Variants in PINK1 observed in about 807,000 individuals in gnomAD.
The protein encoded by PINK1 is serine/threonine-protein kinase PINK1, mitochondrial.
In PINK1, 58 loss-of-function variants were observed where a neutral mutation model predicts 56.0. That is an observed-to-expected ratio of 1.04 (90% confidence interval 0.84 to 1.29). The LOEUF (loss-of-function observed/expected upper bound fraction) is 1.29, where lower values mean the gene tolerates loss of function less well. PINK1 is among the 50% of genes most tolerant of loss of function. The pLI is 0.00. For synonymous variants in PINK1, 354 were observed against 339.3 expected (o/e 1.04, Z -0.48); for missense variants, 745 against 777.9 (o/e 0.96, Z 0.50).
intron 1 of PINK1, among the ~76,000 whole-genome samples, chr1:20,634,987 G>A (rs1265029551): frequency 6.6e-6 from 1 of 152,106 alleles, no homozygotes; most frequent in Non-Finnish European, 1.5e-5. Context: ...GGTGACAGGT[G>A]ACATCTGGCC....
intron 3 of PINK1, among the ~76,000 whole-genome samples, chr1:20,643,355 T>A (rs966974144): frequency 6.6e-6 from 1 of 152,024 alleles, no homozygotes; most frequent in African/African-American, 2.4e-5. Context: ...CGGGGGGCGC[T>A]CCCCACAGGA....
At position 20,644,598 on chromosome 1, in the gene PINK1, C is replaced by T. The variant is rs1183756706; in HGVS notation, c.885C>T (p.Tyr295=). 15 of 1,614,110 alleles carry T rather than the reference C, an allele frequency of 9.3e-6. No individual in the cohort carries two copies. The highest frequency in any genetic ancestry group is 2.7e-5 in the African/African-American group (2 of 74,950). ...VPLLPGALVD[Y]PDVLPSRLHP... ...TGCTGCCAGGGGCCCTGGTCGACTA[C>T]CCTGATGTGCTGCCCTCACGCCTCC... Residue 295 remains tyrosine, a synonymous_variant, in exon 4 of 8, where the codon TAC becomes TAT. Transcript: ENST00000321556.
At chr1:20,645,010 A>G (rs956341379) in intron 4 of PINK1, among the ~76,000 whole-genome samples, 1 of 152,214 alleles carries the variant, frequency 6.6e-6, no homozygotes, top group Admixed American at 6.5e-5. Flanking sequence ...TAACTTTGCT[A>G]TAGTGGGTAT....
At position 20,645,741 on chromosome 1, in the gene PINK1, C is replaced by T. The variant is rs372914303; in HGVS notation, c.1123+18C>T. 2 of 1,613,934 alleles carry T rather than the reference C, an allele frequency of 1.2e-6. No individual in the cohort carries two copies. Among genetic ancestry groups the T allele is most frequent in the Non-Finnish European group, 1.7e-6 (2 of 1,180,002 alleles). Reference sequence around the variant, plus strand: ...GGACCCAGGTAGGAACCTGCTGCACCATCAGAGCTCTCCAGGGGCACTAGA... The same window carrying T: ...GGACCCAGGTAGGAACCTGCTGCACTATCAGAGCTCTCCAGGGGCACTAGA... On this transcript the variant is annotated intron_variant, in intron 5 of 7. Coordinates refer to ENST00000321556, the MANE Select transcript of PINK1 (RefSeq NM_032409.3).
intron 6 of PINK1, 181 bp downstream of exon 6, chr1:20,648,813 C>G (rs2053221777): frequency 7.8e-7 from 1 of 1,278,344 alleles, no homozygotes; most frequent in Non-Finnish European, 1.1e-6. Context: ...CAGGAGAATG[C>G]AAGTCCTGTC....
At chr1:20,639,762 C>G (rs1369484969) in intron 2 of PINK1, 130 bp from the exon 3 acceptor site, 1 of 781,960 alleles carries the variant, frequency 1.3e-6, no homozygotes, top group Non-Finnish European at 2.2e-6. Context: ...TAAGACAGGT[C>G]ATCTTATCTC....
In PINK1 at chr1:20,643,346, G is replaced by A. The variant is rs1028718190; in HGVS notation, c.777-1144G>A. ...TCAGCAGGGCTGTGGTTTGGGGGTC[G>A]GGGGGCGCTCCCCACAGGATAAGGA... On this transcript the variant is annotated intron_variant, in intron 3 of 7. Coordinates refer to ENST00000321556, the MANE Select transcript of PINK1 (RefSeq NM_032409.3). Among the ~76,000 whole-genome samples, 9 of 152,204 alleles carry A rather than the reference G, an allele frequency of 5.9e-5. No individual in the cohort carries two copies. In the South Asian group the frequency reaches 6.2e-4, roughly 10 times the overall value.
intron 2 of PINK1, chr1:20,638,356 T>A: frequency 1.7e-6 from 1 of 579,242 alleles, no homozygotes; most frequent in Admixed American, 3.1e-5. Context: ...AAAGGTAGAT[T>A]TTGGCCAGGC....
intron 5 of PINK1, among the ~76,000 whole-genome samples, chr1:20,646,768 G>A (rs983218445): frequency 6.6e-6 from 1 of 152,094 alleles, no homozygotes; most frequent in South Asian, 2.1e-4. Flanking sequence ...ATGGCCACTT[G>A]CCTAGGAAAA....
chr1:20,644,732 C>A, intron 4 of PINK1, 60 bp downstream of exon 4: 1 of 1,590,462 alleles, frequency 6.3e-7, no homozygotes. Context: ...GGAGCTGGTT[C>A]CTGCCCTCCA....
intron 3 of PINK1, among the ~76,000 whole-genome samples, chr1:20,642,012 G>A (rs1338471105): frequency 6.6e-6 from 1 of 152,168 alleles, no homozygotes; most frequent in Non-Finnish European, 1.5e-5. Context: ...CCAGGGGCCC[G>A]AGGGTGGAAA....
intron 1 of PINK1, among the ~76,000 whole-genome samples, chr1:20,636,888 G>A (rs1224930156): frequency 6.6e-6 from 1 of 152,214 alleles, no homozygotes; most frequent in Non-Finnish European, 1.5e-5. Context: ...GGCGTCCAAA[G>A]GATGAGTGCA....
intron 4 of PINK1, 66 bp from the exon 5 acceptor site, chr1:20,645,494 A>AT (rs757561288): frequency 2.0e-6 from 3 of 1,483,132 alleles, no homozygotes; most frequent in Non-Finnish European, 2.8e-6. Flanking sequence ...TCTCAAAAAA[A>AT]AAAAAAAAAA....
intron 3 of PINK1, 127 bp downstream of exon 3, chr1:20,640,119 A>G (rs927330371): frequency 2.4e-6 from 2 of 833,166 alleles, no homozygotes; most frequent in Admixed American, 2.0e-5. Context: ...AATGTTGGTG[A>G]TGGATTTTCA....
intron 2 of PINK1, 64 bp downstream of exon 2, chr1:20,638,193 G>C: frequency 1.3e-6 from 2 of 1,558,724 alleles, no homozygotes; most frequent in South Asian, 1.1e-5. Flanking sequence ...AGTGGGCCTG[G>C]TGAGGATTTT....
rs1359340832 is a variant in PINK1 at position 20,649,208 on chromosome 1, C to T, written c.1465C>T (p.Leu489=). 6.2e-7 allele frequency: 1 copy of T among 1,614,132 alleles called. No homozygotes were observed. ...PPDVRQLVRA[L]LQREASKRPS... ...AGACGTGAGACAGTTGGTGAGGGCA[C>T]TGCTCCAGCGAGAGGCCAGCAAGGT... The change falls in exon 7 of 8, where the codon CTG becomes TTG. Residue 489 remains leucine (L), a synonymous_variant. Transcript: ENST00000321556.
chr1:20,648,594 G>A lies in PINK1; in HGVS notation c.1213G>A (p.Val405Met), dbSNP rs145821082. The A allele has an allele frequency of 1.2e-5, 19 of 1,613,996 alleles. No individual in the cohort carries two copies. Among genetic ancestry groups the A allele is most frequent in the South Asian group, 5.5e-5 (5 of 91,090 alleles). ...GLQLPFSSWY[V>M]DRGGNGCLMA... Reference sequence around the variant, plus strand: ...GCAGTTGCCCTTCAGCAGCTGGTACGTGGATCGGGGCGGAAACGGCTGTCT... The same window carrying A: ...GCAGTTGCCCTTCAGCAGCTGGTACATGGATCGGGGCGGAAACGGCTGTCT... Residue 405 changes from valine to methionine, a missense_variant, in exon 6 of 8, where the codon GTG becomes ATG. Val to Met is a conservative substitution (Grantham distance 21). Coordinates refer to ENST00000321556, the MANE Select transcript of PINK1 (RefSeq NM_032409.3).
chr1:20,642,986 C>T (rs2053132602), intron 3 of PINK1: 1 of 152,242 alleles, frequency 6.6e-6, no homozygotes, highest in African/African-American at 2.4e-5. Flanking sequence ...GATTCTTGAA[C>T]TTGTAGGAAC....
chr1:20,633,559 GAC>G lies in PINK1; in HGVS notation c.13_14del (p.Gln5GlyfsTer60). The G allele has an allele frequency of 8.5e-7, 1 of 1,181,030 alleles. No homozygotes were observed. The highest frequency in any genetic ancestry group is 1.0e-6 in the Non-Finnish European group (1 of 955,434). 73.2% of individuals were successfully genotyped at this position (1,181,030 alleles called of 1,614,324 possible). A position where few individuals can be genotyped will look rare whatever the true frequency, so the allele number is the denominator to read the frequency against. ...GGCCGCGGCGCCACCATGGCGGTGC[GAC>G]AGGCGCTGGGCCGCGGCCTGCAGCT... On this transcript the variant is annotated frameshift_variant, in exon 1 of 8. Transcript: ENST00000321556. LOFTEE classifies it high-confidence loss of function.
Sources: gnomAD v4.1 joint callset for allele counts (sites outside exome capture counted in the v4.1 genomes callset) on GRCh38, gnomAD v4.1.1 for gene constraint, MANE v1.5 for transcripts, NCBI Gene and HGNC (gene_info 2026-07-23, HGNC 2026-07-21) for gene names.